The following ADCY2 variants were observed in gnomAD, a reference collection of about 807,000 sequenced individuals.
ADCY2 encodes adenylate cyclase 2.
Under a neutral mutation model 125.2 loss-of-function variants are expected in ADCY2, and 31 were observed. The ratio of observed to expected loss-of-function variants is 0.25; its 90% CI spans 0.19 to 0.33. The LOEUF (loss-of-function observed/expected upper bound fraction) is 0.33, where lower values mean the gene tolerates loss of function less well. Among genes scored for constraint, ADCY2 ranks in the 10% least tolerant of loss-of-function variants. The pLI, the probability that ADCY2 is intolerant of heterozygous loss-of-function variation, is 1.00. For synonymous variants in ADCY2, 512 were observed against 548.4 expected, an observed-to-expected ratio of 0.93 and a Z score of 0.93; for missense variants, 904 against 1,418.2, an observed-to-expected ratio of 0.64 and a Z score of 5.82.
rs3033085 is a variant in ADCY2, at chr5:7,459,772, ATTTTTTTTTTTTTTTT to A, written c.408+45020_408+45035del. ...GAACTATCTAGCAGTTTAAGAGGTA[ATTTTTTTTTTTTTTTT>A]TTTTTTTTTTTTTTTTTGACGGGAG... is the stretch of plus-strand genomic sequence containing the variant. On this transcript the variant is annotated intron_variant, in intron 2 of 24. Transcript: ENST00000338316. Among the ~76,000 whole-genome samples the A allele has an allele frequency of 1.9e-4, 14 of 72,862 alleles. No homozygotes were observed. The South Asian group carries it at 3.0e-3, about 16-fold the overall frequency. 47.8% of individuals were successfully genotyped at this position (72,862 alleles called of 152,430 possible).
intron 2 of ADCY2, among the ~76,000 whole-genome samples, chr5:7,442,590 C>T (rs1561027839): frequency 6.6e-6 from 1 of 152,098 alleles, no homozygotes; most frequent in Non-Finnish European, 1.5e-5. Context: ...ACTGATGCCT[C>T]CACTGCTCTT....
chr5:7,422,529 C>T (rs776509962), intron 2 of ADCY2, among the ~76,000 whole-genome samples: 13 of 152,198 alleles, frequency 8.5e-5, no homozygotes, highest in South Asian at 2.1e-4. Flanking sequence ...ACATTTGCAT[C>T]TGACTCCAGC....
intron 3 of ADCY2, among the ~76,000 whole-genome samples, chr5:7,553,702 T>C (rs547235668): frequency 6.6e-6 from 1 of 152,186 alleles, no homozygotes; most frequent in Non-Finnish European, 1.5e-5. Flanking sequence ...CTATTAACTG[T>C]GGGGTGCCCC....
At chr5:7,620,867 C>A (rs1737930564) in intron 3 of ADCY2, among the ~76,000 whole-genome samples, 1 of 151,628 alleles carries the variant, frequency 6.6e-6, no homozygotes, top group African/African-American at 2.4e-5. Flanking sequence ...TATAACTTTT[C>A]TCCTTTGACA....
At chr5:7,553,462 G>T (rs951077124) in intron 3 of ADCY2, among the ~76,000 whole-genome samples, 1 of 152,212 alleles carries the variant, frequency 6.6e-6, no homozygotes, top group Non-Finnish European at 1.5e-5. Flanking sequence ...GAAAGTCTGG[G>T]CCTTCTTTTC....
Position 7,757,436 on chromosome 5 carries a change from T to G in ADCY2, c.1957-13T>G. On this transcript the variant is annotated splice_polypyrimidine_tract_variant and intron_variant, in intron 15 of 24. Coordinates refer to ENST00000338316, the MANE Select transcript of ADCY2 (RefSeq NM_020546.3). ...CTAGCAATGCTTCTCTTTTTCTTTC[T>G]CTCTTCTCCTAGCAATGCAGCAAAA... 1 of 1,609,540 alleles carries G rather than the reference T, an allele frequency of 6.2e-7. No individual in the cohort carries two copies. Among genetic ancestry groups the G allele is most frequent in the Non-Finnish European group, 8.5e-7 (1 of 1,177,986 alleles).
At chr5:7,701,221 GAA>G (rs949294449) in intron 7 of ADCY2, among the ~76,000 whole-genome samples, 1 of 152,018 alleles carries the variant, frequency 6.6e-6, no homozygotes, top group South Asian at 2.1e-4. Flanking sequence ...ATTAGTTGTG[GAA>G]AAGAGTCTTA....
At chr5:7,698,959 C>T (rs1366531884) in intron 7 of ADCY2, among the ~76,000 whole-genome samples, 1 of 152,106 alleles carries the variant, frequency 6.6e-6, no homozygotes, top group Non-Finnish European at 1.5e-5. Flanking sequence ...TGAGGAATCA[C>T]CACACTGTCT....
intron 3 of ADCY2, among the ~76,000 whole-genome samples, chr5:7,598,778 G>A (rs770940369): frequency 3.9e-5 from 6 of 152,156 alleles, no homozygotes; most frequent in Non-Finnish European, 7.3e-5. Context: ...TCCCGAAAGA[G>A]CCACTGCATC....
intron 3 of ADCY2, among the ~76,000 whole-genome samples, chr5:7,541,898 A>G (rs1457793102): frequency 2.0e-5 from 3 of 152,254 alleles, no homozygotes; most frequent in Non-Finnish European, 4.4e-5. Flanking sequence ...TAATGTTGTT[A>G]CTATGAAATG....
chr5:7,521,631 A>G (rs758499568), intron 3 of ADCY2, among the ~76,000 whole-genome samples: 3 of 152,228 alleles, frequency 2.0e-5, no homozygotes, highest in Non-Finnish European at 4.4e-5. Context: ...AGAAAATTGC[A>G]GTTGTGACAA....
At chr5:7,732,536 CTCTT>C (rs1354661410) in intron 14 of ADCY2, among the ~76,000 whole-genome samples, 65 of 152,216 alleles carry the variant, frequency 4.3e-4, no homozygotes, top group Admixed American at 3.7e-3. Flanking sequence ...CCAGGAATCT[CTCTT>C]TCTTGCCTAT....
intron 7 of ADCY2, among the ~76,000 whole-genome samples, chr5:7,704,419 T>C (rs960094124): frequency 1.3e-5 from 2 of 152,198 alleles, no homozygotes; most frequent in African/African-American, 4.8e-5. Context: ...TTTTCTGCCA[T>C]GAACATGTAA....
chr5:7,642,090 G>A (rs1251534883), intron 4 of ADCY2, among the ~76,000 whole-genome samples: 1 of 152,156 alleles, frequency 6.6e-6, no homozygotes, highest in Non-Finnish European at 1.5e-5. Context: ...AGTTCTTCAG[G>A]AAATTTCCAC....
intron 7 of ADCY2, among the ~76,000 whole-genome samples, chr5:7,698,593 T>C (rs760536081): frequency 2.0e-5 from 3 of 152,098 alleles, no homozygotes; most frequent in Non-Finnish European, 4.4e-5. Context: ...TGTGTCCATG[T>C]GTTCTCATTG....
At chr5:7,567,781 C>T (rs1735948152) in intron 3 of ADCY2, among the ~76,000 whole-genome samples, 2 of 152,158 alleles carry the variant, frequency 1.3e-5, no homozygotes, top group African/African-American at 2.4e-5. Flanking sequence ...ATTTATTCAA[C>T]ACACATTTTC....
At chr5:7,750,621 T>G (rs1053615458) in intron 15 of ADCY2, among the ~76,000 whole-genome samples, 4 of 152,234 alleles carry the variant, frequency 2.6e-5, no homozygotes, top group African/African-American at 7.2e-5. Flanking sequence ...TAAAAAGTCT[T>G]TATCTTTTCC....
intron 2 of ADCY2, among the ~76,000 whole-genome samples, chr5:7,501,396 A>T (rs2126503879): frequency 6.6e-6 from 1 of 152,346 alleles, no homozygotes; most frequent in African/African-American, 2.4e-5. Context: ...ATTCAACAAA[A>T]GAAATTATTA....
intron 1 of ADCY2, among the ~76,000 whole-genome samples, chr5:7,400,268 G>C (rs1739214690): frequency 6.6e-6 from 1 of 152,150 alleles, no homozygotes; most frequent in Non-Finnish European, 1.5e-5. Flanking sequence ...ACTGAAATAA[G>C]AGTATGCACT....
Sources: gnomAD v4.1 joint callset for allele counts (sites outside exome capture counted in the v4.1 genomes callset) on GRCh38, gnomAD v4.1.1 for gene constraint, MANE v1.5 for transcripts, NCBI Gene and HGNC (gene_info 2026-07-23, HGNC 2026-07-21) for gene names.